The following PRPSAP2 variants were observed in gnomAD, a reference collection of about 807,000 sequenced individuals.
PRPSAP2 encodes the protein phosphoribosyl pyrophosphate synthetase associated protein 2.
A neutral mutation model predicts 40.6 loss-of-function variants in PRPSAP2; 24 were observed. The ratio of observed to expected loss-of-function variants is 0.59; its 90% CI spans 0.43 to 0.83. The LOEUF (loss-of-function observed/expected upper bound fraction) is 0.83, where lower values mean the gene tolerates loss of function less well. PRPSAP2 is among the 40% of genes least tolerant of loss of function. The probability of loss-of-function intolerance (pLI) is 0.00; values close to 1 mark genes in which losing one functional copy is unlikely to be tolerated. For synonymous variants in PRPSAP2, 149 were observed against 164.7 expected, an observed-to-expected ratio of 0.90 and a Z score of 0.73; for missense variants, 292 against 465.6, an observed-to-expected ratio of 0.63 and a Z score of 3.43.
intron 10 of PRPSAP2, among the ~76,000 whole-genome samples, chr17:18,926,766 TAGTG>T (rs1567757442): frequency 2.8e-5 from 4 of 142,182 alleles, no homozygotes; most frequent in Non-Finnish European, 6.1e-5. Flanking sequence ...GTTGTGCATG[TAGTG>T]AGTGTGAGTG....
At chr17:18,860,855 T>G (rs937419348) in intron 1 of PRPSAP2, among the ~76,000 whole-genome samples, 1 of 152,206 alleles carries the variant, frequency 6.6e-6, no homozygotes, top group African/African-American at 2.4e-5. Context: ...TTCTAAAATC[T>G]TATTCAAAAG....
At chr17:18,874,712 G>A (rs1446773119) in intron 5 of PRPSAP2, among the ~76,000 whole-genome samples, 1 of 152,220 alleles carries the variant, frequency 6.6e-6, no homozygotes, top group African/African-American at 2.4e-5. Context: ...AACTGCCCCT[G>A]CTGCTGCTGT....
At chr17:18,930,030 CT>C (rs929262246) in intron 11 of PRPSAP2, among the ~76,000 whole-genome samples, 3 of 152,072 alleles carry the variant, frequency 2.0e-5, no homozygotes, top group Non-Finnish European at 4.4e-5. Context: ...TTGTTATTAT[CT>C]TTTTTGCCAT....
At chr17:18,909,535 C>T (rs757236488) in intron 8 of PRPSAP2, among the ~76,000 whole-genome samples, 2 of 152,030 alleles carry the variant, frequency 1.3e-5, no homozygotes, top group East Asian at 1.9e-4. Flanking sequence ...TGAGCCACTG[C>T]GCCCGGCCTA....
chr17:18,873,472 C>T (rs1029762968), intron 5 of PRPSAP2, among the ~76,000 whole-genome samples: 3 of 152,064 alleles, frequency 2.0e-5, no homozygotes, highest in East Asian at 1.9e-4. Flanking sequence ...TCCCAAAGTG[C>T]TGGGATTACA....
At chr17:18,870,379 A>G (rs1348868135) in intron 4 of PRPSAP2, among the ~76,000 whole-genome samples, 1 of 152,134 alleles carries the variant, frequency 6.6e-6, no homozygotes, top group African/African-American at 2.4e-5. Flanking sequence ...AGCCTAGGCA[A>G]CAGGGCGAGA....
intron 8 of PRPSAP2, among the ~76,000 whole-genome samples, chr17:18,892,658 CTCAA>C (rs1462278179): frequency 2.7e-5 from 4 of 146,696 alleles, no homozygotes; most frequent in Non-Finnish European, 3.0e-5. Context: ...AACTCTTGGG[CTCAA>C]TCAATCCTTC....
chr17:18,912,092 G>T (rs2040993853), intron 9 of PRPSAP2, among the ~76,000 whole-genome samples: 2 of 152,086 alleles, frequency 1.3e-5, no homozygotes, highest in Admixed American at 1.3e-4. Flanking sequence ...TGAGGCAGGA[G>T]AATCGCTTGA....
At chr17:18,928,555 C>T in intron 10 of PRPSAP2, 2 of 467,072 alleles carry the variant, frequency 4.3e-6, no homozygotes, top group South Asian at 3.8e-5. Context: ...ACAGTGCTAC[C>T]CCTGGGAGCC....
chr17:18,857,588 T>TTA (rs1555545125), upstream of PRPSAP2, among the ~76,000 whole-genome samples: 46 of 150,146 alleles, frequency 3.1e-4, 1 homozygote, highest in African/African-American at 8.1e-4. Context: ...TAATTTTTTT[T>TTA]TTTTGTATTT....
chr17:18,903,543 G>T (rs1370015448), intron 8 of PRPSAP2, among the ~76,000 whole-genome samples: 1 of 152,064 alleles, frequency 6.6e-6, no homozygotes, highest in African/African-American at 2.4e-5. Flanking sequence ...AGAACAGCCT[G>T]GGCAACATGT....
chr17:18,861,261 T>C (rs1442472781), intron 1 of PRPSAP2, among the ~76,000 whole-genome samples: 1 of 151,996 alleles, frequency 6.6e-6, no homozygotes, highest in African/African-American at 2.4e-5. Flanking sequence ...GCTTGGGAGT[T>C]TGAGACCAGC....
intron 9 of PRPSAP2, among the ~76,000 whole-genome samples, chr17:18,914,397 A>AT (rs1236124155): frequency 6.7e-6 from 1 of 149,558 alleles, no homozygotes; most frequent in Non-Finnish European, 1.5e-5. Flanking sequence ...AGCTGGGACT[A>AT]TAGATGTGTG....
chr17:18,923,044 C>T (rs924853555), intron 9 of PRPSAP2, among the ~76,000 whole-genome samples: 1 of 151,170 alleles, frequency 6.6e-6, no homozygotes, highest in African/African-American at 2.4e-5. Context: ...TTCTGCCATT[C>T]TGTAGGGGTT....
intron 3 of PRPSAP2, among the ~76,000 whole-genome samples, chr17:18,866,667 A>G (rs1156610976): frequency 6.6e-6 from 1 of 152,228 alleles, no homozygotes; most frequent in Non-Finnish European, 1.5e-5. Flanking sequence ...ACTGTGTACT[A>G]GACCTTGATC....
chr17:18,862,591 G>A (rs1419379292), intron 1 of PRPSAP2, among the ~76,000 whole-genome samples: 1 of 152,128 alleles, frequency 6.6e-6, no homozygotes, highest in African/African-American at 2.4e-5. Context: ...ACAGTCACCT[G>A]TGGGGTCAGT....
At chr17:18,875,290 G>T (rs1477776925) in intron 5 of PRPSAP2, among the ~76,000 whole-genome samples, 3 of 152,144 alleles carry the variant, frequency 2.0e-5, no homozygotes, top group African/African-American at 4.8e-5. Context: ...AGGGCCAGAT[G>T]TGGTGGCTCA....
At chr17:18,892,290 A>C (rs901907594) in intron 8 of PRPSAP2, among the ~76,000 whole-genome samples, 3 of 151,706 alleles carry the variant, frequency 2.0e-5, no homozygotes, top group Non-Finnish European at 4.4e-5. Flanking sequence ...ATGGTCAGTC[A>C]TGGATTAGTT....
chr17:18,901,558 T>G (rs2040269541), intron 8 of PRPSAP2, among the ~76,000 whole-genome samples: 1 of 152,120 alleles, frequency 6.6e-6, no homozygotes, highest in Non-Finnish European at 1.5e-5. Context: ...TTTTGTATTT[T>G]TAGTGGAGAC....
Sources: allele counts gnomAD v4.1 joint callset (sites outside exome capture counted in the v4.1 genomes callset), GRCh38; gene constraint gnomAD v4.1.1; transcripts MANE v1.5; gene names NCBI Gene and HGNC (gene_info 2026-07-23, HGNC 2026-07-21).